The following DTWD2 variants were observed in gnomAD, a reference collection of about 807,000 sequenced individuals.
The protein encoded by DTWD2 is DTW motif tRNA-uridine aminocarboxypropyltransferase 2.
A neutral mutation model predicts 31.8 loss-of-function variants in DTWD2; 39 were observed. The observed-to-expected ratio is 1.22, with a 90% CI of 0.95 to 1.60. The LOEUF (loss-of-function observed/expected upper bound fraction) is 1.60. DTWD2 is among the 40% of genes most tolerant of loss of function. The pLI is 0.00. For missense variants in DTWD2, 515 were observed against 381.5 expected (o/e 1.35, Z -2.92); for synonymous variants, 180 against 142.8 (o/e 1.26, Z -1.86).
Position 118,841,030 on chromosome 5 carries a change from T to C in DTWD2, c.784A>G (p.Ile262Val), listed in dbSNP as rs1267248246. 2.5e-6 allele frequency: 4 copies of C among 1,613,502 alleles called. No homozygotes were observed. The African/African-American group carries it at 5.3e-5, about 22-fold the overall frequency. The change falls in exon 6 of 6, where the codon ATT becomes GTT. Residue 262 changes from isoleucine (I) to valine (V), a missense_variant. Coordinates refer to ENST00000510708, the MANE Select transcript of DTWD2 (RefSeq NM_173666.4). ...CSFQLQHGAQ[I>V]RLSKEHLLKN... ...AGAAGGTGTTCCTTGCTGAGGCGAA[T>C]TTGGGCACCATGCTGAAGTTGAAAG...
At chr5:118,909,215 C>T (rs1753403933) in intron 4 of DTWD2, among the ~76,000 whole-genome samples, 1 of 152,240 alleles carries the variant, frequency 6.6e-6, no homozygotes, top group Admixed American at 6.5e-5. Context: ...GCATCAACCA[C>T]ATGGCAGGTT....
chr5:118,844,966 C>T (rs1312262623), intron 5 of DTWD2, among the ~76,000 whole-genome samples: 5 of 151,874 alleles, frequency 3.3e-5, no homozygotes, highest in Non-Finnish European at 7.4e-5. Flanking sequence ...AGACTCCCCC[C>T]GCCTCTCCCA....
chr5:118,855,985 T>G (rs1311806897), intron 4 of DTWD2, among the ~76,000 whole-genome samples: 1 of 152,144 alleles, frequency 6.6e-6, no homozygotes, highest in Non-Finnish European at 1.5e-5. Flanking sequence ...CTGACATCCT[T>G]GAATCTTCTA....
At chr5:118,863,218 C>T (rs1752306747) in intron 4 of DTWD2, among the ~76,000 whole-genome samples, 1 of 152,106 alleles carries the variant, frequency 6.6e-6, no homozygotes, top group Non-Finnish European at 1.5e-5. Flanking sequence ...CCTAAATGTT[C>T]CAAATTATAA....
chr5:118,903,881 T>C (rs1246925681), intron 4 of DTWD2, among the ~76,000 whole-genome samples: 1 of 152,042 alleles, frequency 6.6e-6, no homozygotes, highest in East Asian at 1.9e-4. Context: ...AGAAATAAGT[T>C]ATCTCTAAAA....
chr5:118,847,874 G>A (rs939228816), intron 5 of DTWD2, among the ~76,000 whole-genome samples: 1 of 151,996 alleles, frequency 6.6e-6, no homozygotes, highest in Non-Finnish European at 1.5e-5. Flanking sequence ...TGTTTGCACA[G>A]TTTAGTATGA....
chr5:118,859,699 A>G (rs902186306), intron 4 of DTWD2, among the ~76,000 whole-genome samples: 1 of 152,192 alleles, frequency 6.6e-6, no homozygotes, highest in Non-Finnish European at 1.5e-5. Flanking sequence ...GTGTAATAAG[A>G]TAAGCTTATA....
chr5:118,854,513 A>G (rs1752086230), intron 4 of DTWD2, among the ~76,000 whole-genome samples: 1 of 151,384 alleles, frequency 6.6e-6, no homozygotes. Flanking sequence ...GCACTCATTT[A>G]GAAAAAAAAA....
intron 4 of DTWD2, among the ~76,000 whole-genome samples, chr5:118,901,204 ACAAT>A (rs1753203787): frequency 6.6e-6 from 1 of 152,134 alleles, no homozygotes; most frequent in Non-Finnish European, 1.5e-5. Flanking sequence ...TAGTCACAAG[ACAAT>A]CAACACCCTA....
At chr5:118,976,332 A>G (rs1477123064) in intron 1 of DTWD2, among the ~76,000 whole-genome samples, 1 of 152,200 alleles carries the variant, frequency 6.6e-6, no homozygotes, top group Non-Finnish European at 1.5e-5. Flanking sequence ...AGAAACAACT[A>G]AGATCAGAGC....
chr5:118,983,457 G>A (rs910385094), intron 1 of DTWD2, among the ~76,000 whole-genome samples: 1 of 151,242 alleles, frequency 6.6e-6, no homozygotes, highest in Non-Finnish European at 1.5e-5. Context: ...TTTGTGGCTC[G>A]TGCATTCTTC....
chr5:118,926,151 G>C (rs1753803631), intron 4 of DTWD2, among the ~76,000 whole-genome samples: 1 of 152,100 alleles, frequency 6.6e-6, no homozygotes, highest in South Asian at 2.1e-4. Flanking sequence ...ACCAATCTAA[G>C]TGCCCATCAA....
chr5:118,858,417 G>A (rs942872724), intron 4 of DTWD2, among the ~76,000 whole-genome samples: 22 of 152,140 alleles, frequency 1.4e-4, no homozygotes, highest in Admixed American at 3.3e-4. Context: ...TGTTTGAGCT[G>A]GTGAGAAGTC....
At chr5:118,863,552 G>A (rs921081192) in intron 4 of DTWD2, among the ~76,000 whole-genome samples, 2 of 152,084 alleles carry the variant, frequency 1.3e-5, no homozygotes, top group African/African-American at 4.8e-5. Context: ...AATTTCTGTG[G>A]GTGAGTAATG....
chr5:118,886,626 G>C (rs960827456), intron 4 of DTWD2, among the ~76,000 whole-genome samples: 32 of 152,100 alleles, frequency 2.1e-4, no homozygotes, highest in African/African-American at 7.7e-4. Context: ...AATGAACATA[G>C]AATTTAGGTG....
At chr5:118,879,723 T>A (rs920755104) in intron 4 of DTWD2, among the ~76,000 whole-genome samples, 28 of 151,868 alleles carry the variant, frequency 1.8e-4, no homozygotes, top group African/African-American at 6.5e-4. Context: ...AAATACCACA[T>A]GTTCTTACTT....
intron 4 of DTWD2, among the ~76,000 whole-genome samples, chr5:118,886,659 A>AT (rs1752875130): frequency 6.6e-6 from 1 of 152,216 alleles, no homozygotes. Context: ...AGAATGCTGT[A>AT]TACTACATTG....
At position 118,939,218 on chromosome 5, in the gene DTWD2, C is replaced by G. The variant is rs200486968; in HGVS notation, c.382G>C (p.Gly128Arg). 6.2e-7 allele frequency: 1 copy of G among 1,604,918 alleles called. No homozygotes were observed. Residue 128 changes from glycine to arginine, a missense_variant, in exon 3 of 6, where the codon GGT (glycine) becomes CGT (arginine). Coordinates refer to ENST00000510708, the MANE Select transcript of DTWD2 (RefSeq NM_173666.4). ...LPQDKCKVKI[G>R]RRFSEERDPE... is the part of the protein sequence containing the mutation. ...TACCTTTCTTCACTGAAGCGACGAC[C>G]GATCTTCACTTTACACTTGTCCTGG...
At chr5:118,876,353 A>G (rs1325195089) in intron 4 of DTWD2, among the ~76,000 whole-genome samples, 16 of 152,150 alleles carry the variant, frequency 1.1e-4, no homozygotes, top group Non-Finnish European at 2.1e-4. Context: ...AATAACCACA[A>G]TCAGAGCTGA....
Sources: allele counts gnomAD v4.1 joint callset (sites outside exome capture counted in the v4.1 genomes callset), GRCh38; gene constraint gnomAD v4.1.1; transcripts MANE v1.5; gene names NCBI Gene and HGNC (gene_info 2026-07-23, HGNC 2026-07-21).